Variants in TMEM165 observed in about 807,000 individuals in gnomAD.
The protein encoded by TMEM165 is putative divalent cation/proton antiporter TMEM165.
Under a neutral mutation model 30.0 loss-of-function variants are expected in TMEM165, and 19 were observed. That is an observed-to-expected ratio of 0.63 (90% CI 0.44 to 0.93). The LOEUF (loss-of-function observed/expected upper bound fraction) is 0.93. TMEM165 is among the 40% of genes least tolerant of loss of function. The pLI is 0.00. For synonymous variants in TMEM165, 168 were observed against 162.9 expected (o/e 1.03, Z -0.24); for missense variants, 340 against 417.0 (o/e 0.82, Z 1.61).
intron 3 of TMEM165, among the ~76,000 whole-genome samples, chr4:55,437,163 C>A (rs1302709548): frequency 2.0e-5 from 3 of 152,134 alleles, no homozygotes; most frequent in African/African-American, 7.2e-5. Flanking sequence ...AGGCAACTAG[C>A]CTGTTTTAGT....
chr4:55,446,424 T>C (rs930876951), intron 3 of TMEM165, among the ~76,000 whole-genome samples: 2 of 152,162 alleles, frequency 1.3e-5, no homozygotes, highest in African/African-American at 2.4e-5. Flanking sequence ...TGGAGTTAAT[T>C]TGTATCAATT....
At chr4:55,448,583 T>C (rs576779243) in intron 3 of TMEM165, among the ~76,000 whole-genome samples, 2,139 of 105,932 alleles carry the variant, frequency 0.02, 56 homozygotes, top group African/African-American at 0.061. Context: ...ATTATATATG[T>C]GCGCGCGCGC....
Position 55,396,324 on chromosome 4 carries a change from A to G in TMEM165, c.135A>G (p.Glu45=). The G allele has an allele frequency of 6.6e-7, 1 of 1,518,186 alleles. No individual in the cohort carries two copies. The highest frequency in any genetic ancestry group is 8.8e-7 in the Non-Finnish European group (1 of 1,137,738). 94.0% of individuals were successfully genotyped at this position (1,518,186 alleles called of 1,614,324 possible). A position where few individuals can be genotyped will look rare whatever the true frequency, so the allele number is the denominator to read the frequency against. ...AAGACCTTAGCCACCGGAACAAAGA[A>G]CCGCCGGCGCCGGCCCAGCAGCTGC... is the stretch of plus-strand genomic sequence containing the variant. ...PDEDLSHRNK[E]PPAPAQQLQP... is the part of the protein sequence containing the mutation. The change falls in exon 1 of 6, where the codon GAA becomes GAG. Residue 45 remains glutamate, a synonymous_variant. Transcript: ENST00000381334.
At chr4:55,450,586 G>T (rs1212763411) in intron 3 of TMEM165, among the ~76,000 whole-genome samples, 1 of 152,016 alleles carries the variant, frequency 6.6e-6, no homozygotes, top group Non-Finnish European at 1.5e-5. Context: ...TGGCCAACAG[G>T]GTGAAACCCC....
intron 2 of TMEM165, among the ~76,000 whole-genome samples, chr4:55,413,720 T>G (rs1008299632): frequency 6.6e-6 from 1 of 152,268 alleles, no homozygotes; most frequent in Non-Finnish European, 1.5e-5. Flanking sequence ...AACTTTTGCC[T>G]AGATTCACCT....
chr4:55,444,486 T>C (rs190583500), intron 3 of TMEM165: 4 of 911,510 alleles, frequency 4.4e-6, no homozygotes, highest in African/African-American at 3.3e-5. Flanking sequence ...AGTATAATCA[T>C]ACTGAGTAGG....
downstream of TMEM165, chr4:55,430,098 A>G (rs1225451743): frequency 1.3e-5 from 2 of 152,228 alleles, no homozygotes; most frequent in African/African-American, 2.4e-5. Flanking sequence ...AGCCATTTTT[A>G]TTCAAGAACC....
chr4:55,402,403 G>GTGTATGTATATATATATA (rs1334888892), intron 1 of TMEM165, among the ~76,000 whole-genome samples: 2 of 48,184 alleles, frequency 4.2e-5, no homozygotes, highest in Non-Finnish European at 6.8e-5. Context: ...GTGTGTGTGT[G>GTGTATGTATATATATATA]TATATATATA....
intron 1 of TMEM165, among the ~76,000 whole-genome samples, chr4:55,401,105 G>T (rs943750798): frequency 2.0e-5 from 3 of 148,900 alleles, no homozygotes; most frequent in East Asian, 3.9e-4. Context: ...TCAAGTGGAA[G>T]ATATGTTATA....
At chr4:55,396,579 C>T (rs545661937) in intron 1 of TMEM165, among the ~76,000 whole-genome samples, 183 bp downstream of exon 1, 1 of 152,284 alleles carries the variant, frequency 6.6e-6, no homozygotes, top group African/African-American at 2.4e-5. Flanking sequence ...CTTGCCCGCT[C>T]CTTTAGGGAA....
chr4:55,452,466 G>A (rs1004535619), exon 4 of TMEM165: 1 of 152,658 alleles, frequency 6.6e-6, no homozygotes, highest in African/African-American at 2.4e-5. Flanking sequence ...ACAGCCTCAT[G>A]AAAGAATCTG....
exon 4 of TMEM165, chr4:55,453,033 T>G: frequency 6.5e-7 from 1 of 1,535,682 alleles, no homozygotes; most frequent in East Asian, 2.4e-5. Flanking sequence ...AAATAATTTT[T>G]TTTAATTATA....
exon 4 of TMEM165, chr4:55,453,255 C>A: frequency 1.3e-6 from 1 of 786,836 alleles, no homozygotes; most frequent in Admixed American, 2.1e-5. Context: ...ATGTGCTACA[C>A]AAACCTAAAA....
At chr4:55,418,329 A>C (rs1473709586) in intron 4 of TMEM165, among the ~76,000 whole-genome samples, 3 of 152,056 alleles carry the variant, frequency 2.0e-5, no homozygotes, top group African/African-American at 7.2e-5. Flanking sequence ...AATATTATTG[A>C]AGGCCATTTT....
chr4:55,430,366 A>G (rs560589360), downstream of TMEM165: 2 of 152,208 alleles, frequency 1.3e-5, no homozygotes, highest in South Asian at 2.1e-4. Context: ...TTTAAGAAAA[A>G]CAAGGAATGT....
chr4:55,437,319 A>T (rs1722960785), intron 3 of TMEM165, among the ~76,000 whole-genome samples: 1 of 152,202 alleles, frequency 6.6e-6, no homozygotes, highest in African/African-American at 2.4e-5. Flanking sequence ...CCCAGCCTAG[A>T]TGAAGTGGTC....
At chr4:55,428,153 AGAG>A (rs1232080674), downstream of TMEM165, 3 of 152,208 alleles carry the variant, frequency 2.0e-5, no homozygotes, top group Non-Finnish European at 2.9e-5. Flanking sequence ...ATACATGACA[AGAG>A]TATGGGAAAG....
In TMEM165 at chr4:55,425,670, T is replaced by C. The variant is rs112910147; in HGVS notation, c.*218T>C. The C allele has an allele frequency of 6.5e-6, 3 of 462,458 alleles. No individual in the cohort carries two copies. Among genetic ancestry groups the C allele is most frequent in the Non-Finnish European group, 1.1e-5 (3 of 261,870 alleles). 28.6% of individuals were successfully genotyped at this position (462,458 alleles called of 1,614,324 possible). A position where few individuals can be genotyped will look rare whatever the true frequency, so the allele number is the denominator to read the frequency against. ...CTTCTAAGTGTGGGTTTTTCTTCTC[T>C]CCAACATAATTATGTTAATATGGTC... On this transcript the variant is annotated 3_prime_UTR_variant, in exon 6 of 6. Coordinates refer to ENST00000381334, the MANE Select transcript of TMEM165 (RefSeq NM_018475.5).
At chr4:55,426,363 A>G (rs1379927411), downstream of TMEM165, among the ~76,000 whole-genome samples, 1 of 152,208 alleles carries the variant, frequency 6.6e-6, no homozygotes, top group Non-Finnish European at 1.5e-5. Context: ...TATAAGGTTA[A>G]AAAAGAAAAA....
Sources: allele counts gnomAD v4.1 joint callset (sites outside exome capture counted in the v4.1 genomes callset), GRCh38; gene constraint gnomAD v4.1.1; transcripts MANE v1.5; gene names NCBI Gene and HGNC (gene_info 2026-07-23, HGNC 2026-07-21).